PCDHGA4: variants seen among roughly 807,000 people sequenced by gnomAD.
PCDHGA4 encodes protocadherin gamma-A4.
A neutral mutation model predicts 54.6 loss-of-function variants in PCDHGA4; 38 were observed. The ratio of observed to expected loss-of-function variants is 0.70; its 90% confidence interval spans 0.54 to 0.91. The LOEUF is 0.91. Ranked by LOEUF, PCDHGA4 falls within the 40% of genes least tolerant of loss-of-function variation. The pLI is 0.00. For missense variants in PCDHGA4, 1,298 were observed against 1,220.9 expected (o/e 1.06, Z -0.94); for synonymous variants, 511 against 512.9 (o/e 1.00, Z 0.05).
intron 1 of PCDHGA4, chr5:141,391,093 C>A (rs1473023690): frequency 6.6e-6 from 1 of 152,148 alleles, no homozygotes; most frequent in Non-Finnish European, 1.5e-5. Flanking sequence ...GCCTTATCTG[C>A]AGCCCTAAAC....
intron 1 of PCDHGA4, among the ~76,000 whole-genome samples, chr5:141,482,857 A>T (rs2099573663): frequency 6.6e-6 from 1 of 152,140 alleles, no homozygotes; most frequent in Admixed American, 6.5e-5. Flanking sequence ...AGATCACTTG[A>T]GGTCAGGAGT....
intron 1 of PCDHGA4, among the ~76,000 whole-genome samples, chr5:141,397,572 C>T (rs374731219): frequency 1.8e-4 from 27 of 152,196 alleles, no homozygotes; most frequent in Middle Eastern, 3.4e-3. Context: ...AGAGCAAGAA[C>T]TGTATCATAT....
In PCDHGA4 at chr5:141,355,996, G is replaced by C. The variant is rs1377286666; in HGVS notation, c.889G>C (p.Ala297Pro). The C allele has an allele frequency of 1.2e-6, 2 of 1,613,764 alleles. No individual in the cohort carries two copies. The highest frequency in any genetic ancestry group is 1.7e-6 in the Non-Finnish European group (2 of 1,179,888). The part of the protein sequence containing the change: ...PVGTRLLTVK[A>P]TDPDEGANGD... ...AGGCACTCGGCTACTCACCGTAAAAGCCACTGATCCAGATGAAGGAGCCAA... is the reference window on the plus strand; with the variant it reads ...AGGCACTCGGCTACTCACCGTAAAACCCACTGATCCAGATGAAGGAGCCAA... The change falls in exon 1 of 4, where the codon GCC becomes CCC. Residue 297 changes from alanine (A) to proline (P), a missense_variant. Ala to Pro is a conservative substitution (Grantham distance 27, BLOSUM62 -1). Coordinates refer to ENST00000571252, the MANE Select transcript of PCDHGA4 (RefSeq NM_018917.4).
At chr5:141,373,739 A>G (rs1561560112) in intron 1 of PCDHGA4, among the ~76,000 whole-genome samples, 1 of 152,238 alleles carries the variant, frequency 6.6e-6, no homozygotes, top group Non-Finnish European at 1.5e-5. Context: ...ATGCTTCATT[A>G]TCTTGGGGAG....
chr5:141,401,546 ATGCTATT>A (rs1372970930), intron 1 of PCDHGA4, among the ~76,000 whole-genome samples: 1 of 152,214 alleles, frequency 6.6e-6, no homozygotes, highest in African/African-American at 2.4e-5. Context: ...AAAAAAGGAA[ATGCTATT>A]GCCTGAATTT....
In PCDHGA4 at chr5:141,355,219, C is replaced by A. The variant is rs768131751; in HGVS notation, c.112C>A (p.Arg38Ser). Residue 38 changes from arginine (R) to serine (S), a missense_variant, in exon 1 of 4, where the codon CGC becomes AGC. Physicochemically the swap from Arg to Ser is moderately radical, Grantham distance 110. Coordinates refer to ENST00000571252, the MANE Select transcript of PCDHGA4 (RefSeq NM_018917.4). The part of the protein sequence containing the change: ...GGVVMAAPPA[R>S]PDHTRLLQIC... ...GGTTGTAATGGCGGCGCCTCCTGCT[C>A]GCCCAGACCACACCCGGCTGCTCCA... The A allele has an allele frequency of 3.1e-6, 5 of 1,605,648 alleles. No homozygotes were observed. The highest frequency in any genetic ancestry group is 4.3e-6 in the Non-Finnish European group (5 of 1,175,150).
chr5:141,414,469 G>T (rs944183814), intron 1 of PCDHGA4: 1 of 1,613,742 alleles, frequency 6.2e-7, no homozygotes, highest in African/African-American at 1.3e-5. Context: ...CACAGATGGG[G>T]GAAGTCCTCC....
chr5:141,421,388 G>A (rs369403750), intron 1 of PCDHGA4: 1 of 1,613,934 alleles, frequency 6.2e-7, no homozygotes, highest in Non-Finnish European at 8.5e-7. Context: ...AAGGACCTGG[G>A]GCTGGAGCCC....
chr5:141,358,349 G>GT (rs1258884225), intron 1 of PCDHGA4, among the ~76,000 whole-genome samples: 2 of 152,164 alleles, frequency 1.3e-5, no homozygotes, highest in Non-Finnish European at 2.9e-5. Flanking sequence ...TGGACTGAGG[G>GT]TTTTTTAATT....
chr5:141,502,535 G>A (rs910160644), intron 2 of PCDHGA4, among the ~76,000 whole-genome samples: 14 of 152,172 alleles, frequency 9.2e-5, no homozygotes, highest in South Asian at 2.1e-4. Flanking sequence ...GAGTTTGTTC[G>A]TGTGGTAAAA....
intron 1 of PCDHGA4, among the ~76,000 whole-genome samples, chr5:141,484,627 A>G (rs866882607): frequency 5.3e-5 from 8 of 152,162 alleles, no homozygotes; most frequent in Middle Eastern, 3.4e-3. Flanking sequence ...TGGCTTGAAC[A>G]AAGTGACCAC....
Position 141,420,095 on chromosome 5 carries a change from G to A in PCDHGA4, c.2514+62474G>A, listed in dbSNP as rs1382286285. 2.5e-6 allele frequency: 4 copies of A among 1,613,882 alleles called. No individual in the cohort carries two copies. Among genetic ancestry groups the A allele is most frequent in the Admixed American group, 1.7e-5 (1 of 60,010 alleles). ...TGTGGGTCCCCCCAACTACAGTGAGGGAACGTTGCCCTATGCCTATAATTT... is the reference window on the plus strand; with the variant it reads ...TGTGGGTCCCCCCAACTACAGTGAGAGAACGTTGCCCTATGCCTATAATTT... On this transcript the variant is annotated intron_variant, in intron 1 of 3. Coordinates refer to ENST00000571252, the MANE Select transcript of PCDHGA4 (RefSeq NM_018917.4).
At position 141,431,918 on chromosome 5, in the gene PCDHGA4, C is replaced by T; in HGVS notation, c.2515-62889C>T. On this transcript the variant is annotated intron_variant, in intron 1 of 3. Transcript: ENST00000571252. This position sits in a 1 kb window ranked among gnomAD's most constrained non-coding sequence, Gnocchi z 4.8. Reference sequence around the variant, plus strand: ...AAACGGACAGGTGATCTGTTTCATCCAAGGAAATCTGCCCTTTAAATTAGA... The same window carrying T: ...AAACGGACAGGTGATCTGTTTCATCTAAGGAAATCTGCCCTTTAAATTAGA... The T allele has an allele frequency of 6.2e-7, 1 of 1,613,998 alleles. No individual in the cohort carries two copies. The highest frequency in any genetic ancestry group is 8.5e-7 in the Non-Finnish European group (1 of 1,179,862).
intron 1 of PCDHGA4, among the ~76,000 whole-genome samples, chr5:141,483,459 G>A (rs1214951485): frequency 6.6e-6 from 1 of 152,186 alleles, no homozygotes; most frequent in Non-Finnish European, 1.5e-5. Flanking sequence ...AGGACTTGTT[G>A]ATTGACATGA....
chr5:141,419,317 T>C, intron 1 of PCDHGA4: 1 of 1,613,952 alleles, frequency 6.2e-7, no homozygotes, highest in Non-Finnish European at 8.5e-7. Flanking sequence ...TCAACGGCCG[T>C]GTCTCCTACT....
At chr5:141,393,102 G>C (rs768432261) in intron 1 of PCDHGA4, 2 of 1,613,568 alleles carry the variant, frequency 1.2e-6, no homozygotes, top group Non-Finnish European at 1.7e-6. Context: ...GGAGCTCTGC[G>C]CTCAGAGCCC....
intron 1 of PCDHGA4, among the ~76,000 whole-genome samples, chr5:141,474,082 CA>C (rs1449032579): frequency 1.3e-5 from 2 of 151,946 alleles, no homozygotes; most frequent in Non-Finnish European, 2.9e-5. Flanking sequence ...AAACAAAAAC[CA>C]AAAAACAAAC....
chr5:141,457,877 C>A (rs1488774514), intron 1 of PCDHGA4, among the ~76,000 whole-genome samples: 1 of 152,196 alleles, frequency 6.6e-6, no homozygotes, highest in Admixed American at 6.6e-5. Context: ...AGGTTAGGAA[C>A]CCTGTGTGGG....
chr5:141,400,656 A>G (rs72790034), intron 1 of PCDHGA4: 33,230 of 1,084,006 alleles, frequency 0.031, 658 homozygotes, highest in East Asian at 0.041. Context: ...CTGTCCTACC[A>G]TTCTTTAAGA....
Sources: gnomAD v4.1 joint callset for allele counts (sites outside exome capture counted in the v4.1 genomes callset) on GRCh38, gnomAD v4.1.1 for gene constraint, Gnocchi (gnomAD v3.1) non-coding constraint, MANE v1.5 for transcripts, NCBI Gene and HGNC (gene_info 2026-07-23, HGNC 2026-07-21) for gene names.